Variants in KIAA1328 observed in about 807,000 individuals in gnomAD.
The protein encoded by KIAA1328 is KIAA1328.
In KIAA1328, 52 loss-of-function variants were observed where a neutral mutation model predicts 68.1. That is an observed-to-expected ratio of 0.76 (90% CI 0.61 to 0.96). KIAA1328 has a LOEUF of 0.96. Ranked by LOEUF, KIAA1328 falls within the 40% of genes least tolerant of loss-of-function variation. The pLI, the probability that KIAA1328 is intolerant of heterozygous loss-of-function variation, is 0.00. For missense variants in KIAA1328, 641 were observed against 677.6 expected (o/e 0.95, Z 0.60); for synonymous variants, 232 against 239.4 (o/e 0.97, Z 0.28).
At chr18:36,876,625 G>A (rs533798782) in intron 4 of KIAA1328, among the ~76,000 whole-genome samples, 1 of 152,162 alleles carries the variant, frequency 6.6e-6, no homozygotes, top group African/African-American at 2.4e-5. Context: ...CAAAAAACCA[G>A]CTCCTGGATT....
chr18:37,082,952 T>A (rs146410257), intron 7 of KIAA1328, among the ~76,000 whole-genome samples: 285 of 152,338 alleles, frequency 1.9e-3, no homozygotes, highest in Non-Finnish European at 3.4e-3. Context: ...TCTACCTAAC[T>A]GTAATAAAAT....
intron 4 of KIAA1328, among the ~76,000 whole-genome samples, chr18:36,884,583 A>C (rs755823142): frequency 1.1e-4 from 17 of 152,224 alleles, no homozygotes; most frequent in Admixed American, 2.0e-4. Flanking sequence ...CATGTTACGC[A>C]GAAATTGCTC....
chr18:36,877,212 T>G (rs2048158319), intron 4 of KIAA1328, among the ~76,000 whole-genome samples: 1 of 152,188 alleles, frequency 6.6e-6, no homozygotes, highest in Non-Finnish European at 1.5e-5. Context: ...CAGAGCTGAG[T>G]TCAAGTCCTG....
chr18:37,207,036 A>G (rs2060228982), intron 9 of KIAA1328, among the ~76,000 whole-genome samples: 1 of 152,332 alleles, frequency 6.6e-6, no homozygotes, highest in Non-Finnish European at 1.5e-5. Context: ...GGGAGTTCAG[A>G]TAAGAGAGAA....
chr18:37,140,354 C>T (rs1253900415), intron 7 of KIAA1328, among the ~76,000 whole-genome samples: 1 of 152,016 alleles, frequency 6.6e-6, no homozygotes, highest in Non-Finnish European at 1.5e-5. Flanking sequence ...TTCAATAAAA[C>T]AAAAGGTTAA....
chr18:36,900,712 C>T (rs1314663238), intron 5 of KIAA1328, among the ~76,000 whole-genome samples: 4 of 151,968 alleles, frequency 2.6e-5, no homozygotes, highest in Admixed American at 6.6e-5. Flanking sequence ...AGTGATGTTT[C>T]TGTCAGCCTT....
chr18:36,904,707 A>C (rs938376032), intron 5 of KIAA1328, among the ~76,000 whole-genome samples: 5 of 152,128 alleles, frequency 3.3e-5, no homozygotes, highest in African/African-American at 1.2e-4. Flanking sequence ...TATTTAGAAC[A>C]CTTACATTTT....
At chr18:36,877,973 G>A (rs953109921) in intron 4 of KIAA1328, among the ~76,000 whole-genome samples, 1 of 152,030 alleles carries the variant, frequency 6.6e-6, no homozygotes, top group Non-Finnish European at 1.5e-5. Flanking sequence ...GGCCCAGTCT[G>A]TGTCTTTTAA....
chr18:36,925,560 G>A (rs1039454904), intron 5 of KIAA1328, among the ~76,000 whole-genome samples: 1 of 148,670 alleles, frequency 6.7e-6, no homozygotes, highest in African/African-American at 2.5e-5. Context: ...TTTTTGAGAT[G>A]GGATCTCACT....
chr18:36,893,465 TTGTGTGTGTGTG>T (rs141803952), intron 5 of KIAA1328, among the ~76,000 whole-genome samples: 7 of 120,596 alleles, frequency 5.8e-5, no homozygotes, highest in African/African-American at 2.3e-4. Flanking sequence ...GTGTGTGTTT[TTGTGTGTGTGTG>T]TGTGTGTGTG....
intron 6 of KIAA1328, among the ~76,000 whole-genome samples, chr18:37,007,037 C>T (rs1413626634): frequency 6.6e-6 from 1 of 152,114 alleles, no homozygotes; most frequent in African/African-American, 2.4e-5. Flanking sequence ...TTGAGACTAG[C>T]CTCTGTTGCT....
chr18:37,180,048 G>A (rs745620346), intron 9 of KIAA1328, among the ~76,000 whole-genome samples: 14 of 141,228 alleles, frequency 9.9e-5, no homozygotes, highest in Non-Finnish European at 2.0e-4. Context: ...GCTGCCATGG[G>A]ATTCAAAAGC....
chr18:37,138,804 A>G lies in KIAA1328; in HGVS notation c.1233-21396A>G, dbSNP rs529445801. On this transcript the variant is annotated intron_variant, in intron 7 of 9. Transcript: ENST00000280020. ...GTCATTTACTCCTTTGTGTACCTCC[A>G]TGCCTGAATACAGAACCGACACATA... Among the ~76,000 whole-genome samples the G allele has an allele frequency of 2.6e-5, 4 of 152,174 alleles. No homozygotes were observed. In the South Asian group the frequency reaches 8.3e-4, roughly 32 times the overall value.
chr18:36,858,055 T>G (rs1400892930), intron 4 of KIAA1328, among the ~76,000 whole-genome samples: 2 of 152,180 alleles, frequency 1.3e-5, no homozygotes, highest in African/African-American at 4.8e-5. Flanking sequence ...TATACTGATT[T>G]TCTTTCTCTT....
chr18:37,043,355 A>G (rs2055335797), intron 6 of KIAA1328, among the ~76,000 whole-genome samples: 1 of 151,934 alleles, frequency 6.6e-6, no homozygotes, highest in Admixed American at 6.6e-5. Flanking sequence ...TGGACATTTG[A>G]TGTGATATAT....
intron 9 of KIAA1328, among the ~76,000 whole-genome samples, chr18:37,181,911 G>A (rs1054053215): frequency 2.0e-5 from 3 of 152,020 alleles, no homozygotes; most frequent in Non-Finnish European, 4.4e-5. Flanking sequence ...CATTTATAGG[G>A]GACAAACCCA....
At chr18:37,120,178 A>T (rs2151930960) in intron 7 of KIAA1328, among the ~76,000 whole-genome samples, 1 of 152,088 alleles carries the variant, frequency 6.6e-6, no homozygotes, top group Non-Finnish European at 1.5e-5. Context: ...GGAAGCATAG[A>T]TTAAAAAAAA....
At chr18:36,918,951 T>C (rs2049816601) in intron 5 of KIAA1328, among the ~76,000 whole-genome samples, 2 of 152,226 alleles carry the variant, frequency 1.3e-5, no homozygotes, top group Admixed American at 6.5e-5. Context: ...TTTTAAAATT[T>C]AGTGAAACTT....
intron 7 of KIAA1328, among the ~76,000 whole-genome samples, chr18:37,145,230 A>T (rs2154208813): frequency 6.6e-6 from 1 of 152,302 alleles, no homozygotes; most frequent in South Asian, 2.1e-4. Flanking sequence ...GAAAAAAAAA[A>T]GTATGTTAAA....
Sources: allele counts gnomAD v4.1 joint callset (sites outside exome capture counted in the v4.1 genomes callset), GRCh38; gene constraint gnomAD v4.1.1; transcripts MANE v1.5; gene names NCBI Gene and HGNC (gene_info 2026-07-23, HGNC 2026-07-21).